Variants in SRBD1 observed in about 807,000 individuals in gnomAD.
SRBD1 encodes S1 RNA-binding domain-containing protein 1.
In SRBD1, 88 loss-of-function variants were observed where a neutral mutation model predicts 115.3. The ratio of observed to expected loss-of-function variants is 0.76; its 90% CI spans 0.64 to 0.91. The LOEUF (loss-of-function observed/expected upper bound fraction) is 0.91, where lower values mean the gene tolerates loss of function less well. Ranked by LOEUF, SRBD1 falls within the 40% of genes least tolerant of loss-of-function variation. SRBD1 has a pLI of 0.00. For missense variants in SRBD1, 1,385 were observed against 1,177.4 expected (o/e 1.18, Z -2.58); for synonymous variants, 509 against 407.7 (o/e 1.25, Z -2.99).
chr2:45,434,266 T>C (rs1057096248), intron 16 of SRBD1, among the ~76,000 whole-genome samples: 6 of 152,222 alleles, frequency 3.9e-5, no homozygotes, highest in African/African-American at 1.4e-4. Context: ...TCAATAGCCT[T>C]ACTCAAGTCA....
At chr2:45,455,210 A>G (rs966709922) in intron 16 of SRBD1, among the ~76,000 whole-genome samples, 4 of 151,986 alleles carry the variant, frequency 2.6e-5, no homozygotes, top group African/African-American at 9.7e-5. Flanking sequence ...GATTAATATT[A>G]GTAAATTTCT....
chr2:45,474,007 A>G (rs1182757651), intron 16 of SRBD1, among the ~76,000 whole-genome samples: 1 of 152,222 alleles, frequency 6.6e-6, no homozygotes, highest in African/African-American at 2.4e-5. Context: ...AAGGAATTCA[A>G]CCTTCCAATT....
intron 9 of SRBD1, among the ~76,000 whole-genome samples, chr2:45,563,288 T>A (rs1572781139): frequency 6.6e-6 from 1 of 152,168 alleles, no homozygotes; most frequent in East Asian, 1.9e-4. Flanking sequence ...TTTCTGAAAC[T>A]AACTTGTTGC....
intron 1 of SRBD1, among the ~76,000 whole-genome samples, chr2:45,606,703 A>G (rs762951026): frequency 6.6e-6 from 1 of 152,242 alleles, no homozygotes; most frequent in Admixed American, 6.5e-5. Context: ...GACATCACAT[A>G]ATACGGGAAA....
At position 45,547,630 on chromosome 2, in the gene SRBD1, A is replaced by T; in HGVS notation, c.1676-18T>A. 6.3e-7 allele frequency: 1 copy of T among 1,588,322 alleles called. No individual in the cohort carries two copies. Among genetic ancestry groups the T allele is most frequent in the Non-Finnish European group, 8.6e-7 (1 of 1,165,578 alleles). ...TATCTGACCTTTAAAAAATGAAAAGAATAAGCCATTTTATAAGAAATTACA... is the reference window on the plus strand; with the variant it reads ...TATCTGACCTTTAAAAAATGAAAAGTATAAGCCATTTTATAAGAAATTACA... On this transcript the variant is annotated intron_variant, in intron 12 of 20. Transcript: ENST00000263736.
intron 9 of SRBD1, among the ~76,000 whole-genome samples, chr2:45,563,888 T>C (rs1672746256): frequency 6.6e-6 from 1 of 152,148 alleles, no homozygotes; most frequent in Non-Finnish European, 1.5e-5. Flanking sequence ...AGAATCAATA[T>C]CCATTCTTCA....
chr2:45,601,519 G>A (rs182278196), intron 3 of SRBD1, among the ~76,000 whole-genome samples: 1 of 152,240 alleles, frequency 6.6e-6, no homozygotes, highest in African/African-American at 2.4e-5. Flanking sequence ...TCTGTACACC[G>A]TGAGCAAGTC....
At chr2:45,575,400 A>C (rs149668335) in intron 7 of SRBD1, among the ~76,000 whole-genome samples, 1 of 152,200 alleles carries the variant, frequency 6.6e-6, no homozygotes, top group Non-Finnish European at 1.5e-5. Context: ...TCTGATATCA[A>C]CTTACACTGA....
intron 14 of SRBD1, among the ~76,000 whole-genome samples, chr2:45,492,427 T>G (rs1371436147): frequency 6.6e-6 from 1 of 152,092 alleles, no homozygotes; most frequent in Non-Finnish European, 1.5e-5. Flanking sequence ...AAAGAAAAAC[T>G]AGGTTTTTTC....
chr2:45,577,850 A>C (rs546738773), intron 7 of SRBD1, among the ~76,000 whole-genome samples: 89 of 152,328 alleles, frequency 5.8e-4, no homozygotes, highest in Middle Eastern at 3.4e-3. Flanking sequence ...CCTAGCTTAT[A>C]TAGACTTACT....
At chr2:45,427,201 AGCT>A (rs1420643847) in intron 16 of SRBD1, among the ~76,000 whole-genome samples, 101 of 152,058 alleles carry the variant, frequency 6.6e-4, no homozygotes, top group Non-Finnish European at 1.2e-3. Context: ...GACCTGATGA[AGCT>A]GAAAAACACC....
At chr2:45,480,732 A>T (rs184674447) in intron 15 of SRBD1, among the ~76,000 whole-genome samples, 2 of 152,364 alleles carry the variant, frequency 1.3e-5, no homozygotes, top group Non-Finnish European at 2.9e-5. Flanking sequence ...AGGAATGGAT[A>T]GTATGGACTT....
At chr2:45,537,050 TA>T (rs1671784499) in intron 14 of SRBD1, among the ~76,000 whole-genome samples, 1 of 152,172 alleles carries the variant, frequency 6.6e-6, no homozygotes, top group Non-Finnish European at 1.5e-5. Flanking sequence ...TTTAACTTTT[TA>T]AAAATGCTGG....
At chr2:45,562,495 G>C (rs1672698787) in intron 10 of SRBD1, among the ~76,000 whole-genome samples, 158 bp downstream of exon 10, 1 of 152,202 alleles carries the variant, frequency 6.6e-6, no homozygotes, top group South Asian at 2.1e-4. Flanking sequence ...GCCTCCGAAA[G>C]TGCTGGGATT....
intron 4 of SRBD1, among the ~76,000 whole-genome samples, chr2:45,598,685 A>T (rs1666157597): frequency 6.6e-6 from 1 of 152,188 alleles, no homozygotes; most frequent in Non-Finnish European, 1.5e-5. Context: ...ACACACAGGC[A>T]GTCCCAGATT....
At chr2:45,421,728 A>G (rs1668013668) in intron 16 of SRBD1, among the ~76,000 whole-genome samples, 1 of 152,092 alleles carries the variant, frequency 6.6e-6, no homozygotes, top group Non-Finnish European at 1.5e-5. Context: ...ATAATCTAGT[A>G]GAGTCCCCAA....
At chr2:45,418,982 T>C (rs1647817361) in intron 17 of SRBD1, among the ~76,000 whole-genome samples, 2 of 152,220 alleles carry the variant, frequency 1.3e-5, no homozygotes, top group South Asian at 2.1e-4. Context: ...CTCAGTAATA[T>C]AGAGCTGAAC....
chr2:45,560,945 TAA>T (rs35692321), intron 10 of SRBD1, among the ~76,000 whole-genome samples: 13,051 of 118,954 alleles, frequency 0.11, 1,043 homozygotes, highest in African/African-American at 0.24. Context: ...ATCTCTTAAA[TAA>T]AAAAAAAAAA....
chr2:45,552,416 A>G (rs1376513941), intron 11 of SRBD1, among the ~76,000 whole-genome samples: 1 of 152,244 alleles, frequency 6.6e-6, no homozygotes, highest in East Asian at 1.9e-4. Flanking sequence ...GAAACAGTTT[A>G]TACATTAAAT....
Sources: allele counts gnomAD v4.1 joint callset (sites outside exome capture counted in the v4.1 genomes callset), GRCh38; gene constraint gnomAD v4.1.1; transcripts MANE v1.5; gene names NCBI Gene and HGNC (gene_info 2026-07-23, HGNC 2026-07-21).